Variants in ZNF346 observed in about 807,000 individuals in gnomAD.
ZNF346 encodes double-stranded RNA-binding zinc finger protein JAZ.
Under a neutral mutation model 33.7 loss-of-function variants are expected in ZNF346, and 23 were observed. That is an observed-to-expected ratio of 0.68 (90% confidence interval 0.49 to 0.97). ZNF346 has a LOEUF of 0.97. Ranked by LOEUF, ZNF346 falls within the 50% of genes least tolerant of loss-of-function variation. The pLI is 0.00. For synonymous variants in ZNF346, 134 were observed against 142.4 expected, an observed-to-expected ratio of 0.94 and a Z score of 0.42; for missense variants, 340 against 371.1, an observed-to-expected ratio of 0.92 and a Z score of 0.69.
chr5:177,064,209 G>A lies in ZNF346; in HGVS notation c.798-303G>A, dbSNP rs139434719. ...GGCAGTGGTTTGGTATAGTGAAAAG[G>A]CATTGGCTACAGTCCTGAACCTACC... On this transcript the variant is annotated intron_variant, in intron 6 of 6. Transcript: ENST00000358149. Among the ~76,000 whole-genome samples, 421 of 152,320 alleles carry A rather than the reference G, an allele frequency of 2.8e-3. 3 individuals carry two copies. Among genetic ancestry groups the A allele is most frequent in the Non-Finnish European group, 5.2e-3 (354 of 68,022 alleles).
intron 1 of ZNF346, among the ~76,000 whole-genome samples, chr5:177,024,221 G>A (rs1243853048): frequency 1.2e-4 from 1 of 8,524 alleles, no homozygotes; most frequent in Non-Finnish European, 2.4e-4. Flanking sequence ...TTTTTTTTTT[G>A]AGAGAGTCTC....
intron 8 of ZNF346, among the ~76,000 whole-genome samples, chr5:177,073,498 C>T (rs1783599645): frequency 6.6e-6 from 1 of 151,986 alleles, no homozygotes. Flanking sequence ...GACACAAGGT[C>T]CCACTGTGTT....
intron 4 of ZNF346, among the ~76,000 whole-genome samples, chr5:177,048,010 T>C (rs2149656737): frequency 6.6e-6 from 1 of 152,348 alleles, no homozygotes; most frequent in Non-Finnish European, 1.5e-5. Context: ...AAAAATTCTT[T>C]ATAAGCATTT....
intron 1 of ZNF346, among the ~76,000 whole-genome samples, chr5:177,026,915 T>C (rs1448243146): frequency 6.6e-6 from 1 of 152,160 alleles, no homozygotes; most frequent in Non-Finnish European, 1.5e-5. Flanking sequence ...GGTTAATCCT[T>C]ACCCACTTGT....
At chr5:177,058,149 G>A (rs1781996713) in intron 5 of ZNF346, among the ~76,000 whole-genome samples, 1 of 150,690 alleles carries the variant, frequency 6.6e-6, no homozygotes, top group African/African-American at 2.4e-5. Flanking sequence ...AGAGGACTTG[G>A]ATTTGAAGAA....
At chr5:177,023,021 G>A (rs1776062862) in intron 1 of ZNF346, 108 bp downstream of exon 1, 1 of 1,435,662 alleles carries the variant, frequency 7.0e-7, no homozygotes, top group Non-Finnish European at 9.3e-7. Context: ...CTTGCGTGCT[G>A]CGCCCCGGGA....
intron 5 of ZNF346, among the ~76,000 whole-genome samples, chr5:177,058,706 G>T (rs1303916249): frequency 6.6e-6 from 1 of 152,120 alleles, no homozygotes; most frequent in Non-Finnish European, 1.5e-5. Flanking sequence ...TTAGCTCTGT[G>T]TGGCTCCAAA....
At chr5:177,033,271 G>T (rs1777986476) in intron 1 of ZNF346, among the ~76,000 whole-genome samples, 1 of 152,062 alleles carries the variant, frequency 6.6e-6, no homozygotes, top group Admixed American at 6.6e-5. Flanking sequence ...TAAAGATGAG[G>T]TCTCACTTTG....
chr5:177,031,991 C>CTTTTT (rs1777772439), intron 1 of ZNF346, among the ~76,000 whole-genome samples: 2 of 90,514 alleles, frequency 2.2e-5, no homozygotes, highest in African/African-American at 3.8e-5. Flanking sequence ...CATGCCTTTT[C>CTTTTT]TTTTTTCTTT....
chr5:177,043,713 G>C (rs576761939), intron 3 of ZNF346, among the ~76,000 whole-genome samples: 10 of 151,808 alleles, frequency 6.6e-5, no homozygotes, highest in Non-Finnish European at 1.5e-4. Flanking sequence ...GCAGTGAGCC[G>C]AGATCGTGCC....
At chr5:177,037,675 G>A (rs1307599367) in intron 1 of ZNF346, among the ~76,000 whole-genome samples, 1 of 152,082 alleles carries the variant, frequency 6.6e-6, no homozygotes, top group Non-Finnish European at 1.5e-5. Context: ...CCTAGTCCAA[G>A]CTTCCATCAT....
intron 1 of ZNF346, among the ~76,000 whole-genome samples, chr5:177,034,305 C>T (rs909406752): frequency 6.6e-6 from 1 of 151,162 alleles, no homozygotes; most frequent in Non-Finnish European, 1.5e-5. Context: ...GCAGCCTTGA[C>T]CTCCTGGGCT....
intron 8 of ZNF346, among the ~76,000 whole-genome samples, chr5:177,079,068 T>G (rs540290760): frequency 6.6e-6 from 1 of 151,086 alleles, no homozygotes; most frequent in East Asian, 2.0e-4. Context: ...GTCAGGAGTT[T>G]GAGACCAGCC....
At chr5:177,061,757 C>G (rs1257074559) in intron 5 of ZNF346, among the ~76,000 whole-genome samples, 3 of 152,204 alleles carry the variant, frequency 2.0e-5, no homozygotes, top group Non-Finnish European at 4.4e-5. Context: ...GGTAGAAATA[C>G]AGACCAAATG....
At chr5:177,062,565 C>T (rs1782680278) in intron 6 of ZNF346, among the ~76,000 whole-genome samples, 1 of 151,790 alleles carries the variant, frequency 6.6e-6, no homozygotes, top group Non-Finnish European at 1.5e-5. Flanking sequence ...TGAGCATCTT[C>T]TGAATGATGG....
chr5:177,053,332 A>AG (rs1781222986), intron 5 of ZNF346, among the ~76,000 whole-genome samples: 1 of 151,362 alleles, frequency 6.6e-6, no homozygotes, highest in South Asian at 2.1e-4. Context: ...AAAAAAAAAA[A>AG]AAAAAACAGG....
At chr5:177,054,075 A>AT (rs35038931) in intron 5 of ZNF346, among the ~76,000 whole-genome samples, 358 of 143,658 alleles carry the variant, frequency 2.5e-3, no homozygotes, top group African/African-American at 3.9e-3. Flanking sequence ...TACTTCTGGA[A>AT]TTTTTTTTTT....
intron 5 of ZNF346, among the ~76,000 whole-genome samples, chr5:177,055,469 T>C (rs1475787111): frequency 6.6e-6 from 1 of 152,164 alleles, no homozygotes; most frequent in Non-Finnish European, 1.5e-5. Flanking sequence ...AAAGGGGTAA[T>C]GTCAGTATTT....
downstream of ZNF346, among the ~76,000 whole-genome samples, chr5:177,071,196 C>T (rs1269894418): frequency 1.3e-5 from 2 of 152,036 alleles, no homozygotes; most frequent in African/African-American, 4.8e-5. Flanking sequence ...ATCACAGTTC[C>T]CAGCTCAAAT....
Sources: gnomAD v4.1 joint callset for allele counts (sites outside exome capture counted in the v4.1 genomes callset) on GRCh38, gnomAD v4.1.1 for gene constraint, MANE v1.5 for transcripts, NCBI Gene and HGNC (gene_info 2026-07-23, HGNC 2026-07-21) for gene names.